The following BPIFC variants were observed in gnomAD, a reference collection of about 807,000 sequenced individuals.
BPIFC encodes the protein BPI fold containing family C, also known as BPI fold-containing family C protein.
Under a neutral mutation model 57.6 loss-of-function variants are expected in BPIFC, and 60 were observed. That is an observed-to-expected ratio of 1.04 (90% CI 0.85 to 1.29). The LOEUF (loss-of-function observed/expected upper bound fraction) is 1.29, where lower values mean the gene tolerates loss of function less well. Among genes scored for constraint, BPIFC ranks in the 50% most tolerant of loss-of-function variants. BPIFC has a pLI of 0.00. For missense variants in BPIFC, 581 were observed against 600.5 expected, an observed-to-expected ratio of 0.97 and a Z score of 0.34; for synonymous variants, 243 against 224.5, an observed-to-expected ratio of 1.08 and a Z score of -0.74.
Position 32,431,439 on chromosome 22 carries a change from A to ATTTATTTTTTTTTTTTT in BPIFC, c.1150-26_1150-25insAAAAAAAAAAAAATAAA. ...CCTATAGACAATAAAAGCATTTATT[A>ATTTATTTTTTTTTTTTT]TTAAGACGAGTGAGTGTCAATTTTG... is the stretch of plus-strand genomic sequence containing the variant. On this transcript the variant is annotated intron_variant, in intron 12 of 16. Coordinates refer to ENST00000300399, the MANE Select transcript of BPIFC (RefSeq NM_174932.3). 3.0e-6 allele frequency: 4 copies of ATTTATTTTTTTTTTTTT among 1,343,076 alleles called. 1 individual carries two copies. Among genetic ancestry groups the ATTTATTTTTTTTTTTTT allele is most frequent in the South Asian group, 2.3e-5 (2 of 85,630 alleles). 83.2% of individuals were successfully genotyped at this position (1,343,076 alleles called of 1,614,324 possible). A position where few individuals can be genotyped will look rare whatever the true frequency, so the allele number is the denominator to read the frequency against.
chr22:32,424,545 T>G (rs1195265483), intron 13 of BPIFC, among the ~76,000 whole-genome samples: 2 of 145,416 alleles, frequency 1.4e-5, no homozygotes, highest in African/African-American at 5.4e-5. Context: ...ATAAAGGTAT[T>G]TATTTCCTAA....
intron 8 of BPIFC, among the ~76,000 whole-genome samples, chr22:32,441,779 T>G (rs1261104285): frequency 3.3e-5 from 5 of 152,180 alleles, no homozygotes; most frequent in Non-Finnish European, 4.4e-5. Context: ...GCAGCGGTCC[T>G]CAACCTTTTT....
At chr22:32,418,495 C>G (rs535892855) in intron 14 of BPIFC, among the ~76,000 whole-genome samples, 20 of 152,134 alleles carry the variant, frequency 1.3e-4, no homozygotes, top group Non-Finnish European at 2.2e-4. Context: ...ATTAGTATGT[C>G]TCCTTCCATC....
chr22:32,463,062 A>G (rs770727094), intron 1 of BPIFC, among the ~76,000 whole-genome samples: 1 of 152,242 alleles, frequency 6.6e-6, no homozygotes, highest in South Asian at 2.1e-4. Context: ...CTGAAGTGGT[A>G]CACTTTGATG....
chr22:32,438,583 C>T (rs1241538185), intron 8 of BPIFC, among the ~76,000 whole-genome samples: 2 of 151,898 alleles, frequency 1.3e-5, no homozygotes, highest in Admixed American at 6.6e-5. Flanking sequence ...GTAGAGACAG[C>T]GTTTCACCAT....
intron 2 of BPIFC, among the ~76,000 whole-genome samples, chr22:32,459,138 C>G (rs1460012974): frequency 6.6e-6 from 1 of 152,168 alleles, no homozygotes; most frequent in Non-Finnish European, 1.5e-5. Context: ...CTTACACATG[C>G]AAAAGACTCA....
At chr22:32,432,274 T>A in intron 12 of BPIFC, 99 bp downstream of exon 12, 1 of 1,317,678 alleles carries the variant, frequency 7.6e-7, no homozygotes, top group Non-Finnish European at 1.1e-6. Context: ...CAATGTAGCA[T>A]CCCCACCCTC....
At chr22:32,441,473 G>A (rs1421606843) in intron 8 of BPIFC, among the ~76,000 whole-genome samples, 1 of 152,188 alleles carries the variant, frequency 6.6e-6, no homozygotes, top group African/African-American at 2.4e-5. Flanking sequence ...CAGTGCTCAG[G>A]CTATTTCAGG....
Position 32,414,256 on chromosome 22 carries a change from T to C in BPIFC, c.*47A>G. 1 of 1,604,082 alleles carries C rather than the reference T, an allele frequency of 6.2e-7. No homozygotes were observed. Among genetic ancestry groups the C allele is most frequent in the Non-Finnish European group, 8.5e-7 (1 of 1,175,012 alleles). On this transcript the variant is annotated 3_prime_UTR_variant, in exon 17 of 17. Transcript: ENST00000300399. Reference sequence around the variant, plus strand: ...TTCCCTTCTGGGTTTACAGTAGTTGTAGGATTAAGGACCATTTACTTCCTG... The same window carrying C: ...TTCCCTTCTGGGTTTACAGTAGTTGCAGGATTAAGGACCATTTACTTCCTG...
intron 1 of BPIFC, among the ~76,000 whole-genome samples, chr22:32,463,053 T>C (rs1935197983): frequency 6.6e-6 from 1 of 152,216 alleles, no homozygotes; most frequent in African/African-American, 2.4e-5. Flanking sequence ...AAAAAGTTTC[T>C]GAAGTGGTAC....
At chr22:32,457,457 T>C (rs528255901) in intron 2 of BPIFC, 71 bp from the exon 3 acceptor site, 1 of 1,537,262 alleles carries the variant, frequency 6.5e-7, no homozygotes, top group Admixed American at 2.1e-5. Context: ...AATCCAACAT[T>C]TCTAGATTTT....
At chr22:32,440,106 T>C (rs1934522776) in intron 8 of BPIFC, among the ~76,000 whole-genome samples, 1 of 152,152 alleles carries the variant, frequency 6.6e-6, no homozygotes, top group African/African-American at 2.4e-5. Flanking sequence ...TCATTTTCTT[T>C]CATCCATCTG....
intron 13 of BPIFC, among the ~76,000 whole-genome samples, chr22:32,427,720 A>G (rs1934107882): frequency 6.6e-6 from 1 of 152,000 alleles, no homozygotes; most frequent in Admixed American, 6.6e-5. Flanking sequence ...GAACTGCCAA[A>G]TATCACACCT....
chr22:32,450,754 G>A (rs1230146766), intron 4 of BPIFC, among the ~76,000 whole-genome samples: 3 of 152,032 alleles, frequency 2.0e-5, no homozygotes, highest in Admixed American at 6.6e-5. Flanking sequence ...ATGCTCAAAG[G>A]AAATGCCCCT....
At chr22:32,418,778 G>A (rs1054176204) in intron 14 of BPIFC, among the ~76,000 whole-genome samples, 1 of 152,118 alleles carries the variant, frequency 6.6e-6, no homozygotes, top group Admixed American at 6.5e-5. Context: ...CTATGATAGT[G>A]CCATCCATGA....
rs528581573 is a variant in BPIFC, at chr22:32,447,339, T to A, written c.247A>T (p.Ile83Leu). 6.8e-6 allele frequency: 11 copies of A among 1,612,212 alleles called. No homozygotes were observed. Among genetic ancestry groups the A allele is most frequent in the Middle Eastern group, 1.7e-4 (1 of 6,050 alleles). ...VDYVNYNFSN[I>L]KISAFSFPNT... ...GGAAATGAAAAGGCACTGATTTTTA[T>A]ACTGTAAAACCAGAAACAAGAAGTT... is the stretch of plus-strand genomic sequence containing the variant. Residue 83 changes from isoleucine (I) to leucine (L), a missense_variant and splice_region_variant, in exon 5 of 17, where the codon ATA becomes TTA. Physicochemically the swap from Ile to Leu is conservative, Grantham distance 5 (BLOSUM62 2). Coordinates refer to ENST00000300399, the MANE Select transcript of BPIFC (RefSeq NM_174932.3).
chr22:32,445,941 T>C lies in BPIFC; in HGVS notation c.430A>G (p.Ile144Val), dbSNP rs199986740. The C allele has an allele frequency of 9.8e-5, 158 of 1,614,096 alleles. No homozygotes were observed. Among genetic ancestry groups the C allele is most frequent in the South Asian group, 2.4e-4 (22 of 91,072 alleles). ...FLSGVYFTGI[I>V]ILTRNDFGHP... ...CCAAAGTCATTTCGGGTTAGGATAA[T>C]GATACCGGTAAAGTAGACTCCGGAG... Residue 144 changes from isoleucine (I) to valine (V), a missense_variant, in exon 6 of 17, where the codon ATT becomes GTT. Ile to Val is a conservative substitution (Grantham distance 29). Transcript: ENST00000300399.
At chr22:32,447,960 A>G (rs2145954298) in intron 4 of BPIFC, among the ~76,000 whole-genome samples, 1 of 152,288 alleles carries the variant, frequency 6.6e-6, no homozygotes, top group South Asian at 2.1e-4. Context: ...GCTTATTTAA[A>G]GACAAAAAAA....
chr22:32,429,896 A>T (rs989286461), intron 13 of BPIFC, among the ~76,000 whole-genome samples: 5 of 152,078 alleles, frequency 3.3e-5, no homozygotes, highest in African/African-American at 1.2e-4. Flanking sequence ...GGTTTCTCAG[A>T]TCTTTTCTGA....
Sources: gnomAD v4.1 joint callset for allele counts (sites outside exome capture counted in the v4.1 genomes callset) on GRCh38, gnomAD v4.1.1 for gene constraint, MANE v1.5 for transcripts, NCBI Gene and HGNC (gene_info 2026-07-23, HGNC 2026-07-21) for gene names.